GATA6: variants seen among roughly 807,000 people sequenced by gnomAD.
GATA6 encodes the protein GATA binding protein 6.
GATA6 carries 11 observed loss-of-function variants against 48.1 expected under a neutral mutation model. The observed-to-expected ratio is 0.23, with a 90% confidence interval of 0.14 to 0.38. The LOEUF (loss-of-function observed/expected upper bound fraction) is 0.38. GATA6 is among the 10% of genes least tolerant of loss of function. The pLI is 1.00. For synonymous variants in GATA6, 419 were observed against 396.1 expected (o/e 1.06, Z -0.69); for missense variants, 795 against 850.3 (o/e 0.93, Z 0.81).
chr18:22,192,679 A>G (rs1390424415), intron 6 of GATA6, among the ~76,000 whole-genome samples: 1 of 152,208 alleles, frequency 6.6e-6, no homozygotes, highest in Non-Finnish European at 1.5e-5. Flanking sequence ...CAGGTTTTAA[A>G]TCTTGCCTCA....
At chr18:22,173,671 T>C (rs998685388) in intron 2 of GATA6, among the ~76,000 whole-genome samples, 8 of 152,364 alleles carry the variant, frequency 5.3e-5, no homozygotes, top group African/African-American at 1.9e-4. Flanking sequence ...CAAAATTCCC[T>C]CTTTTTAGTT....
chr18:22,174,526 T>A (rs188136080), intron 2 of GATA6, among the ~76,000 whole-genome samples: 2,702 of 146,888 alleles, frequency 0.018, 77 homozygotes, highest in African/African-American at 0.07. Context: ...GTTATTTTTT[T>A]AAGTATTTTT....
intron 6 of GATA6, among the ~76,000 whole-genome samples, chr18:22,194,850 T>C (rs933043167): frequency 1.3e-5 from 2 of 152,106 alleles, no homozygotes; most frequent in Non-Finnish European, 2.9e-5. Context: ...GTGCCAACTC[T>C]GAACGCCTTC....
intron 2 of GATA6, chr18:22,176,664 C>T (rs2033125073): frequency 2.8e-6 from 1 of 362,530 alleles, no homozygotes; most frequent in South Asian, 3.0e-5. Flanking sequence ...AAGCCGACCT[C>T]CCCACCGCTC....
At chr18:22,187,522 A>G (rs928642693) in intron 6 of GATA6, among the ~76,000 whole-genome samples, 3 of 151,908 alleles carry the variant, frequency 2.0e-5, no homozygotes, top group Non-Finnish European at 4.4e-5. Flanking sequence ...TTTATTCTCT[A>G]TGGATTGTAA....
At chr18:22,192,892 G>A (rs182096355) in intron 6 of GATA6, among the ~76,000 whole-genome samples, 91 of 152,294 alleles carry the variant, frequency 6.0e-4, no homozygotes, top group African/African-American at 2.1e-3. Flanking sequence ...ACCACAACAT[G>A]CTTGCTGTTG....
chr18:22,191,756 A>G (rs1333000209), intron 6 of GATA6, among the ~76,000 whole-genome samples: 1 of 152,198 alleles, frequency 6.6e-6, no homozygotes, highest in African/African-American at 2.4e-5. Flanking sequence ...AAGGCCCAGT[A>G]CTCAGAATTT....
intron 3 of GATA6, 21 bp from the exon 4 acceptor site, chr18:22,181,432 A>C (rs1219327979): frequency 6.2e-7 from 1 of 1,613,722 alleles, no homozygotes; most frequent in East Asian, 2.2e-5. Flanking sequence ...TTTTCCACTT[A>C]TGTTCTTGTA....
intron 2 of GATA6, 92 bp from the exon 3 acceptor site, chr18:22,176,863 A>ACCGGGGCTGGGGGCCGGGGTCC: frequency 7.1e-7 from 1 of 1,411,192 alleles, no homozygotes; most frequent in Non-Finnish European, 9.3e-7. Context: ...GAAGCCGGGC[A>ACCGGGGCTGGGGGCCGGGGTCC]CCGGGGCTGG....
Position 22,181,569 on chromosome 18 carries a change from A to G in GATA6, c.1419A>G (p.Lys473=). 6.2e-7 allele frequency: 1 copy of G among 1,613,946 alleles called. No homozygotes were observed. The part of the protein sequence containing the change: ...PVCNACGLYM[K]LHGVPRPLAM... ...GCAATGCTTGTGGACTCTACATGAA[A>G]CTCCATGGGGTATGCCATGTATTCT... The change falls in exon 4 of 7, where the codon AAA becomes AAG. Residue 473 remains lysine (K), a synonymous_variant. Coordinates refer to ENST00000269216, the MANE Select transcript of GATA6 (RefSeq NM_005257.6).
Position 22,177,116 on chromosome 18 carries a change from C to A in GATA6, c.1297C>A (p.Arg433Ser). Residue 433 changes from arginine to serine, a missense_variant, in exon 3 of 7, where the codon CGC becomes AGC. By Grantham distance (110) the Arg-to-Ser change is moderately radical. This residue lies in a region of GATA6 where 76 missense variants were observed against 113.1 expected (regional missense o/e 0.67). Transcript: ENST00000269216. ...CCGGCCCCTCATCAAGCCGCAGAAG[C>A]GCGTGGTGAGTGTGACCCGCCCTGC... ...LSRPLIKPQKRVPSSRRLGLS... is the reference protein window; with the variant it reads ...LSRPLIKPQKSVPSSRRLGLS... 1 of 1,548,730 alleles carries A rather than the reference C, an allele frequency of 6.5e-7. No homozygotes were observed. The highest frequency in any genetic ancestry group is 8.7e-7 in the Non-Finnish European group (1 of 1,147,790).
At chr18:22,176,430 A>G (rs548556434) in intron 2 of GATA6, 1 of 152,552 alleles carries the variant, frequency 6.6e-6, no homozygotes, top group Non-Finnish European at 1.5e-5. Flanking sequence ...GAAGAGGCAC[A>G]TATGGACGGG....
rs2033027179 is a variant in GATA6 at position 22,171,004 on chromosome 18, C to A, written c.-37-104C>A. 1.3e-5 allele frequency: 9 copies of A among 708,254 alleles called. No homozygotes were observed. The Admixed American group carries it at 1.5e-4, about 12-fold the overall frequency. The allele number at this position is 708,254 out of a possible 1,614,324, so 43.9% of individuals were successfully genotyped here. A position where few individuals can be genotyped will look rare whatever the true frequency, so the allele number is the denominator to read the frequency against. On this transcript the variant is annotated intron_variant, in intron 1 of 6. Transcript: ENST00000269216. This position sits in a 1 kb window ranked among gnomAD's most constrained non-coding sequence, Gnocchi z 7.1. Reference sequence around the variant, plus strand: ...AAATGGGATCTTTGAGAAGTCAGATCCCATTTGAACTAGAAAAAGGAGTGG... The same window carrying A: ...AAATGGGATCTTTGAGAAGTCAGATACCATTTGAACTAGAAAAAGGAGTGG...
chr18:22,196,832 A>G (rs566818925), intron 6 of GATA6, among the ~76,000 whole-genome samples: 1 of 152,256 alleles, frequency 6.6e-6, no homozygotes, highest in East Asian at 1.9e-4. Flanking sequence ...AAGAACTGTC[A>G]GTGACAGTTT....
In GATA6 at chr18:22,174,338, CTT is replaced by C. The variant is rs1251513803; in HGVS notation, c.1135+2062_1135+2063del. ...CAGCATTTCATATGGCTGAGAGAGT[CTT>C]TTGATGTTTACAGTAACTGGTCCTG... On this transcript the variant is annotated intron_variant, in intron 2 of 6. Coordinates refer to ENST00000269216, the MANE Select transcript of GATA6 (RefSeq NM_005257.6). 3.3e-5 allele frequency among the ~76,000 whole-genome samples: 5 copies of C among 152,282 alleles called. No homozygotes were observed. The South Asian group carries it at 6.2e-4, about 19-fold the overall frequency.
At chr18:22,196,715 C>T (rs528221572) in intron 6 of GATA6, among the ~76,000 whole-genome samples, 1 of 151,858 alleles carries the variant, frequency 6.6e-6, no homozygotes, top group African/African-American at 2.4e-5. Context: ...GCACTCCAGC[C>T]TGGATGACAG....
At position 22,172,060 on chromosome 18, in the gene GATA6, C is replaced by G; in HGVS notation, c.916C>G (p.Arg306Gly). 1 of 1,282,160 alleles carries G rather than the reference C, an allele frequency of 7.8e-7. No homozygotes were observed. The highest frequency in any genetic ancestry group is 9.8e-7 in the Non-Finnish European group (1 of 1,017,876). 79.4% of individuals were successfully genotyped at this position (1,282,160 alleles called of 1,614,324 possible). The change falls in exon 2 of 7, where the codon CGC (arginine) becomes GGC (glycine). Residue 306 changes from arginine (R) to glycine (G), a missense_variant. This residue lies in a region of GATA6 where 591 missense variants were observed against 570.0 expected (regional missense o/e 1.04). Transcript: ENST00000269216. The surrounding 1 kb of genome is among the most constrained non-coding windows in gnomAD (Gnocchi z 5.2). ...CAGTAGCCTGGCGGCCATGGGCGGC[C>G]GCGAGCCCCAGTACAGCTCGCTGTC... ...GGSSLAAMGG[R>G]EPQYSSLSAA...
At chr18:22,173,101 G>C (rs532278449) in intron 2 of GATA6, among the ~76,000 whole-genome samples, 1 of 152,144 alleles carries the variant, frequency 6.6e-6, no homozygotes, top group African/African-American at 2.4e-5. Flanking sequence ...ATTTTTTCCT[G>C]TATCTGGGAG....
In GATA6 at chr18:22,183,031, T is replaced by G; in HGVS notation, c.1608T>G (p.Pro536=). 6.2e-7 allele frequency: 1 copy of G among 1,612,382 alleles called. No homozygotes were observed. The highest frequency in any genetic ancestry group is 1.1e-5 in the South Asian group (1 of 91,040). ...CSKNTSPTTQ[P]TASGAGAPVM... ...AAAATACTTCCCCCACAACACAACC[T>G]ACAGCCTCAGGGGTAAGTATTAAAA... Residue 536 remains proline, a synonymous_variant, in exon 6 of 7, where the codon CCT becomes CCG. Transcript: ENST00000269216.
Sources: allele counts gnomAD v4.1 joint callset (sites outside exome capture counted in the v4.1 genomes callset), GRCh38; gene constraint gnomAD v4.1.1; regional missense constraint gnomAD v4.1.1; non-coding constraint Gnocchi (gnomAD v3.1); transcripts MANE v1.5; gene names NCBI Gene and HGNC (gene_info 2026-07-23, HGNC 2026-07-21).